Variants in ZNF536 observed in about 807,000 individuals in gnomAD.
ZNF536 encodes zinc finger protein 536.
A neutral mutation model predicts 84.5 loss-of-function variants in ZNF536; 13 were observed. The ratio of observed to expected loss-of-function variants is 0.15; its 90% CI spans 0.10 to 0.24. The LOEUF (loss-of-function observed/expected upper bound fraction) is 0.24, where lower values mean the gene tolerates loss of function less well. Among genes scored for constraint, ZNF536 ranks in the 10% least tolerant of loss-of-function variants. ZNF536 has a pLI of 1.00. For synonymous variants in ZNF536, 811 were observed against 742.5 expected, an observed-to-expected ratio of 1.09 and a Z score of -1.50; for missense variants, 1,536 against 1,747.5, an observed-to-expected ratio of 0.88 and a Z score of 2.16.
At chr19:30,280,918 T>C (rs1399692607) in intron 1 of ZNF536, among the ~76,000 whole-genome samples, 2 of 152,102 alleles carry the variant, frequency 1.3e-5, no homozygotes, top group African/African-American at 4.8e-5. Flanking sequence ...AGGGCTAGCT[T>C]GTATGTCTGC....
intron 1 of ZNF536, among the ~76,000 whole-genome samples, chr19:30,413,269 T>A (rs564985035): frequency 1.1e-4 from 17 of 152,260 alleles, no homozygotes; most frequent in Non-Finnish European, 2.1e-4. Flanking sequence ...TCAGGTGTAT[T>A]TTTATTACCC....
At chr19:30,632,479 G>A (rs140259732) in intron 1 of ZNF536, among the ~76,000 whole-genome samples, 343 of 152,216 alleles carry the variant, frequency 2.3e-3, no homozygotes, top group African/African-American at 8.0e-3. Context: ...GGTGGCAGGC[G>A]CCTGTAATCC....
chr19:30,390,909 C>T (rs982070690), intron 1 of ZNF536, among the ~76,000 whole-genome samples: 6 of 152,166 alleles, frequency 3.9e-5, no homozygotes, highest in Non-Finnish European at 5.9e-5. Context: ...AACAGAAATC[C>T]CCACTTGAGA....
At chr19:30,480,691 T>G (rs149899586) in intron 2 of ZNF536, among the ~76,000 whole-genome samples, 1 of 152,166 alleles carries the variant, frequency 6.6e-6, no homozygotes, top group African/African-American at 2.4e-5. Context: ...GTTCTGCACA[T>G]GTATCCCAGA....
chr19:30,306,487 G>A (rs919383350), intron 2 of ZNF536, among the ~76,000 whole-genome samples: 3 of 152,168 alleles, frequency 2.0e-5, no homozygotes, highest in Non-Finnish European at 2.9e-5. Context: ...CCTCTAACAC[G>A]TTGATAGAGC....
intron 1 of ZNF536, among the ~76,000 whole-genome samples, chr19:30,418,089 T>G (rs2050807959): frequency 1.3e-5 from 2 of 151,230 alleles, no homozygotes; most frequent in South Asian, 4.2e-4. Flanking sequence ...GATCTTATTT[T>G]TGTATTGCCA....
At chr19:30,333,812 C>T (rs1284625999) in intron 2 of ZNF536, among the ~76,000 whole-genome samples, 1 of 152,198 alleles carries the variant, frequency 6.6e-6, no homozygotes, top group Non-Finnish European at 1.5e-5. Context: ...CACATCTATT[C>T]TCGCCCTAAT....
intron 2 of ZNF536, among the ~76,000 whole-genome samples, chr19:30,331,796 G>C (rs1489120104): frequency 6.6e-6 from 1 of 152,042 alleles, no homozygotes; most frequent in Non-Finnish European, 1.5e-5. Flanking sequence ...GTCAATCATT[G>C]GTGTGCTCAC....
chr19:30,561,598 G>A (rs2046168890), downstream of ZNF536, among the ~76,000 whole-genome samples: 3 of 152,304 alleles, frequency 2.0e-5, no homozygotes, highest in Admixed American at 2.0e-4. Context: ...AAGCACAGGT[G>A]CACTCATGAG....
chr19:30,618,637 C>T (rs9916967), intron 1 of ZNF536, among the ~76,000 whole-genome samples: 49,582 of 151,886 alleles, frequency 0.33, 8,644 homozygotes, highest in East Asian at 0.48. Flanking sequence ...TGTGTATGTA[C>T]TTGTATTTCT....
At chr19:30,631,039 G>A (rs2048868835) in intron 1 of ZNF536, among the ~76,000 whole-genome samples, 1 of 152,158 alleles carries the variant, frequency 6.6e-6, no homozygotes, top group South Asian at 2.1e-4. Flanking sequence ...AGGCTCCCCT[G>A]GCATCAGAGG....
intron 1 of ZNF536, among the ~76,000 whole-genome samples, chr19:30,231,830 C>T (rs1268988594): frequency 6.6e-6 from 1 of 151,710 alleles, no homozygotes; most frequent in Non-Finnish European, 1.5e-5. Context: ...GTCTGTCTGT[C>T]TGTGTGTGCT....
intron 1 of ZNF536, among the ~76,000 whole-genome samples, chr19:30,575,914 GA>G (rs1383708017): frequency 5.3e-5 from 8 of 152,192 alleles, no homozygotes; most frequent in Non-Finnish European, 7.3e-5. Flanking sequence ...ACGGGTCACA[GA>G]AATGGCCTAG....
chr19:30,593,668 C>G (rs2047348653), intron 1 of ZNF536, among the ~76,000 whole-genome samples: 1 of 152,198 alleles, frequency 6.6e-6, no homozygotes, highest in African/African-American at 2.4e-5. Context: ...CTTTGTTTCT[C>G]CCTCTCCTCC....
At chr19:30,696,291 C>T (rs34260010) in intron 1 of ZNF536, among the ~76,000 whole-genome samples, 43,072 of 152,048 alleles carry the variant, frequency 0.28, 6,745 homozygotes, top group East Asian at 0.43. Flanking sequence ...CCTCCGCTCC[C>T]GGCTCCCCCA....
At chr19:30,646,355 C>T (rs752983306) in intron 1 of ZNF536, among the ~76,000 whole-genome samples, 9 of 152,314 alleles carry the variant, frequency 5.9e-5, no homozygotes, top group East Asian at 1.9e-4. Context: ...CTTGAGCCTG[C>T]GCACACATGT....
At chr19:30,590,045 TTGTTC>T (rs2047222891) in intron 1 of ZNF536, among the ~76,000 whole-genome samples, 1 of 152,204 alleles carries the variant, frequency 6.6e-6, no homozygotes, top group African/African-American at 2.4e-5. Flanking sequence ...TGATCCTCTT[TTGTTC>T]TGGTGACTCA....
In ZNF536 at chr19:30,444,931, G is replaced by A. The variant is rs764737514; in HGVS notation, c.1369G>A (p.Glu457Lys). 2.1e-5 allele frequency: 34 copies of A among 1,611,418 alleles called. No individual in the cohort carries two copies. The highest frequency in any genetic ancestry group is 2.9e-5 in the Non-Finnish European group (34 of 1,178,984). ...GCCCAGCCAGCTCTATGGCAAGGGC[G>A]AGCTGCCCATGAAGGAGAAGGAAGC... is the stretch of plus-strand genomic sequence containing the variant. ...SEPSQLYGKG[E>K]LPMKEKEALG... Residue 457 changes from glutamate (E) to lysine (K), a missense_variant, in exon 2 of 5, where the codon GAG becomes AAG. By Grantham distance (56) the Glu-to-Lys change is moderately conservative. Around this residue, in one of 8 missense-constraint regions of ZNF536, gnomAD observed 366 missense variants for 364.4 expected, o/e 1.00. Coordinates refer to ENST00000355537, the MANE Select transcript of ZNF536 (RefSeq NM_014717.3).
upstream of ZNF536, among the ~76,000 whole-genome samples, chr19:30,227,438 A>C (rs989877759): frequency 2.0e-5 from 3 of 152,230 alleles, no homozygotes; most frequent in Non-Finnish European, 2.9e-5. Context: ...GCGGGGTCTC[A>C]GCCCCGCGTG....
Sources: gnomAD v4.1 joint callset for allele counts (sites outside exome capture counted in the v4.1 genomes callset) on GRCh38, gnomAD v4.1.1 for gene constraint, gnomAD v4.1.1 regional missense constraint, MANE v1.5 for transcripts, NCBI Gene and HGNC (gene_info 2026-07-23, HGNC 2026-07-21) for gene names.